The following CFAP65 variants were observed in gnomAD, a reference collection of about 807,000 sequenced individuals.
The protein encoded by CFAP65 is cilia- and flagella-associated protein 65.
Under a neutral mutation model 208.0 loss-of-function variants are expected in CFAP65, and 155 were observed. The ratio of observed to expected loss-of-function variants is 0.75; its 90% CI spans 0.65 to 0.85. CFAP65 has a LOEUF of 0.85. Ranked by LOEUF, CFAP65 falls within the 40% of genes least tolerant of loss-of-function variation. The probability of loss-of-function intolerance (pLI) is 0.00; values close to 1 mark genes in which losing one functional copy is unlikely to be tolerated. For missense variants in CFAP65, 2,294 were observed against 2,451.3 expected, an observed-to-expected ratio of 0.94 and a Z score of 1.36; for synonymous variants, 970 against 986.3, an observed-to-expected ratio of 0.98 and a Z score of 0.31.
At chr2:219,017,812 G>T (rs1481142914) in intron 21 of CFAP65, among the ~76,000 whole-genome samples, 1 of 152,214 alleles carries the variant, frequency 6.6e-6, no homozygotes, top group African/African-American at 2.4e-5. Flanking sequence ...CTGGCTCCGG[G>T]CCCACTCAAA....
At chr2:219,006,264 C>A (rs1344033304) in intron 30 of CFAP65, 41 bp from the exon 31 acceptor site, 1 of 1,575,772 alleles carries the variant, frequency 6.3e-7, no homozygotes, top group African/African-American at 1.3e-5. Context: ...GGTTTGGGCA[C>A]CACATTCACA....
In CFAP65 at chr2:219,003,984, C is replaced by G. The variant is rs1223892767; in HGVS notation, c.5523G>C (p.Glu1841Asp). The change falls in exon 33 of 35, where the codon GAG (glutamate) becomes GAC (aspartate). Residue 1841 changes from glutamate to aspartate, a missense_variant. Physicochemically the swap from Glu to Asp is conservative, Grantham distance 45. Transcript: ENST00000341552. This position sits in a 1 kb window ranked among gnomAD's most constrained non-coding sequence, Gnocchi z 4.4. ...QQQLNVMVKE[E>D]QEQDEKEAIR... is the part of the protein sequence containing the mutation. ...TGGCCTCCTTCTCGTCCTGTTCTTG[C>G]TCCTCCTTCACCATGACATTCAGCT... The G allele has an allele frequency of 6.2e-7, 1 of 1,613,836 alleles. No homozygotes were observed. Among genetic ancestry groups the G allele is most frequent in the East Asian group, 2.2e-5 (1 of 44,878 alleles).
At position 219,029,419 on chromosome 2, in the gene CFAP65, C is replaced by G; in HGVS notation, c.1634G>C (p.Cys545Ser). The change falls in exon 11 of 35, where the codon TGT (cysteine) becomes TCT (serine). Residue 545 changes from cysteine to serine, a missense_variant. Coordinates refer to ENST00000341552, the MANE Select transcript of CFAP65 (RefSeq NM_194302.4). ...ACGACTCACCTGGTGGTGGATGAGA[C>G]AGGCCACACGCCGAAAGCAGATGAT... ...HPIICFRRVACLIHHQDPLFL... is the reference protein window; with the variant it reads ...HPIICFRRVASLIHHQDPLFL... 1 of 1,613,556 alleles carries G rather than the reference C, an allele frequency of 6.2e-7. No homozygotes were observed. Among genetic ancestry groups the G allele is most frequent in the Non-Finnish European group, 8.5e-7 (1 of 1,179,626 alleles).
intron 24 of CFAP65, among the ~76,000 whole-genome samples, chr2:219,011,964 CT>C (rs1946520707): frequency 6.6e-6 from 1 of 152,212 alleles, no homozygotes; most frequent in African/African-American, 2.4e-5. Context: ...GGGCGGAGCC[CT>C]CACAAGTGGG....
At chr2:219,030,982 G>A (rs1395691176) in intron 8 of CFAP65, 124 bp downstream of exon 8, 4 of 1,428,264 alleles carry the variant, frequency 2.8e-6, no homozygotes, top group African/African-American at 2.8e-5. Flanking sequence ...CTGGGCTTGG[G>A]GGAGGGCAGG....
intron 20 of CFAP65, 121 bp from the exon 21 acceptor site, chr2:219,019,300 GGC>G (rs1385675533): frequency 7.5e-7 from 1 of 1,328,494 alleles, no homozygotes; most frequent in African/African-American, 1.5e-5. Context: ...CTGGGACTCA[GGC>G]GCAAGGGTGG....
chr2:219,019,779 C>T, intron 19 of CFAP65, 60 bp from the exon 20 acceptor site: 1 of 1,434,608 alleles, frequency 7.0e-7, no homozygotes, highest in South Asian at 1.2e-5. Flanking sequence ...CTGGAGGGGG[C>T]ATGCAGGCCA....
At chr2:219,022,400 C>T in intron 16 of CFAP65, 71 bp from the exon 17 acceptor site, 1 of 1,527,350 alleles carries the variant, frequency 6.5e-7, no homozygotes. Context: ...CATCCGAGGC[C>T]CCATGGCAGG....
In CFAP65 at chr2:219,023,373, C is replaced by T. The variant is rs768683216; in HGVS notation, c.2654G>A (p.Ser885Asn). 1 of 1,604,280 alleles carries T rather than the reference C, an allele frequency of 6.2e-7. No homozygotes were observed. Among genetic ancestry groups the T allele is most frequent in the South Asian group, 1.1e-5 (1 of 89,284 alleles). Reference protein sequence around the residue: ...PLQLKLDTHKSLYFKPTWVGC... With the variant: ...PLQLKLDTHKNLYFKPTWVGC... ...CACCCAGGTGGGCTTGAAGTAGAGG[C>T]TTTTGTGGGTGTCCAGCTTCAGCTG... Residue 885 changes from serine to asparagine, a missense_variant, in exon 16 of 35, where the codon AGC becomes AAC. Coordinates refer to ENST00000341552, the MANE Select transcript of CFAP65 (RefSeq NM_194302.4).
chr2:219,009,499 G>A, intron 27 of CFAP65, 39 bp from the exon 28 acceptor site: 1 of 1,367,432 alleles, frequency 7.3e-7, no homozygotes, highest in Non-Finnish European at 1.0e-6. Flanking sequence ...GATTCACAGG[G>A]ATGGAATTGG....
At chr2:219,021,991 C>T in intron 17 of CFAP65, 61 bp from the exon 18 acceptor site, 1 of 1,596,598 alleles carries the variant, frequency 6.3e-7, no homozygotes, top group Non-Finnish European at 8.5e-7. Flanking sequence ...GCCCCACTCT[C>T]CCAGCCCCAT....
chr2:219,011,993 A>G (rs1289061214), intron 24 of CFAP65, among the ~76,000 whole-genome samples: 3 of 152,270 alleles, frequency 2.0e-5, no homozygotes, highest in African/African-American at 7.2e-5. Flanking sequence ...CCCTTATAAA[A>G]GAGGCCTGTG....
At chr2:219,025,991 T>A (rs1308836784) in intron 14 of CFAP65, 31 bp downstream of exon 14, 2 of 1,608,826 alleles carry the variant, frequency 1.2e-6, no homozygotes, top group Non-Finnish European at 1.7e-6. Flanking sequence ...CTCCCCTGTC[T>A]CCCTCCCACT....
chr2:219,007,293 C>A (rs908225620), intron 29 of CFAP65, among the ~76,000 whole-genome samples: 6 of 151,742 alleles, frequency 4.0e-5, no homozygotes, highest in Non-Finnish European at 8.8e-5. Context: ...CCCAACTCAG[C>A]CTCCCAAGTA....
At chr2:219,021,659 C>T in intron 18 of CFAP65, 121 bp downstream of exon 18, 1 of 1,135,556 alleles carries the variant, frequency 8.8e-7, no homozygotes, top group African/African-American at 1.5e-5. Context: ...AATACTCCCA[C>T]CTCAGCTTCT....
chr2:219,004,935 TTTTC>T lies in CFAP65; in HGVS notation c.5052-484_5052-481del, dbSNP rs61214924. Among the ~76,000 whole-genome samples the T allele has an allele frequency of 0.088, 13,109 of 149,036 alleles. 1,602 individuals carry two copies. Among genetic ancestry groups the T allele is most frequent in the African/African-American group, 0.28 (11,031 of 39,064 alleles). On this transcript the variant is annotated intron_variant, in intron 32 of 34. Coordinates refer to ENST00000341552, the MANE Select transcript of CFAP65 (RefSeq NM_194302.4). The surrounding 1 kb of genome is among the most constrained non-coding windows in gnomAD (Gnocchi z 4.7). ...TCTTTCTCTCTCTTTCTCTCCTCTTTTTTCTTTCTTTCTTTCTTTCTTTCTCTCT... is the reference window on the plus strand; with the variant it reads ...TCTTTCTCTCTCTTTCTCTCCTCTTTTTTCTTTCTTTCTTTCTTTCTCTCT...
Position 219,032,547 on chromosome 2 carries a change from TGAA to T in CFAP65, c.565_567del (p.Phe189del), listed in dbSNP as rs1362508513. On this transcript the variant is annotated inframe_deletion, in exon 6 of 35. Transcript: ENST00000341552. The surrounding 1 kb of genome is among the most constrained non-coding windows in gnomAD (Gnocchi z 5.5). ...AGGAAGATGGGCTGAGGGATGACCG[TGAA>T]GAAGAACTTGGTCTTGGGGGGCCTG... 26 of 1,605,582 alleles carry T rather than the reference TGAA, an allele frequency of 1.6e-5. No individual in the cohort carries two copies. The highest frequency in any genetic ancestry group is 1.7e-4 in the Middle Eastern group (1 of 6,050).
chr2:219,030,251 A>G (rs2106226541), intron 9 of CFAP65, 43 bp from the exon 10 acceptor site: 7 of 1,572,512 alleles, frequency 4.5e-6, no homozygotes, highest in Non-Finnish European at 6.1e-6. Flanking sequence ...GTCACAGAGC[A>G]GAGCACTGTA....
chr2:219,026,630 C>T (rs749910949), intron 13 of CFAP65: 8 of 191,526 alleles, frequency 4.2e-5, no homozygotes, highest in Admixed American at 6.5e-5. Context: ...AAATTAGTAA[C>T]GAGGTATTTT....
Sources: allele counts gnomAD v4.1 joint callset (sites outside exome capture counted in the v4.1 genomes callset), GRCh38; gene constraint gnomAD v4.1.1; non-coding constraint Gnocchi (gnomAD v3.1); transcripts MANE v1.5; gene names NCBI Gene and HGNC (gene_info 2026-07-23, HGNC 2026-07-21).